Variants in PTPRF observed in about 807,000 individuals in gnomAD.
PTPRF encodes protein tyrosine phosphatase receptor type F, also known as receptor-type tyrosine-protein phosphatase F.
PTPRF carries 59 observed loss-of-function variants against 201.8 expected under a neutral mutation model. The observed-to-expected ratio is 0.29, with a 90% CI of 0.24 to 0.36. The LOEUF (loss-of-function observed/expected upper bound fraction) is 0.36. Among genes scored for constraint, PTPRF ranks in the 10% least tolerant of loss-of-function variants. The probability of loss-of-function intolerance (pLI) is 1.00; values close to 1 mark genes in which losing one functional copy is unlikely to be tolerated. For synonymous variants in PTPRF, 1,088 were observed against 1,089.7 expected (o/e 1.00, Z 0.03); for missense variants, 2,132 against 2,690.5 (o/e 0.79, Z 4.59).
At chr1:43,565,404 TCACA>T in intron 5 of PTPRF, among the ~76,000 whole-genome samples, 1 of 152,320 alleles carries the variant, frequency 6.6e-6, no homozygotes, top group East Asian at 1.9e-4. Flanking sequence ...CAGGAGGCAT[TCACA>T]CACACGTGCA....
intron 5 of PTPRF, among the ~76,000 whole-genome samples, 184 bp from the exon 6 acceptor site, chr1:43,569,392 ACTGCAGCCTCTGCC>A (rs1557734123): frequency 6.6e-6 from 1 of 151,986 alleles, no homozygotes; most frequent in East Asian, 1.9e-4. Flanking sequence ...GGTGGGCCCC[ACTGCAGCCTCTGCC>A]CTGCCAAAGA....
In PTPRF at chr1:43,598,028, G is replaced by C. The variant is rs903446501; in HGVS notation, c.2094G>C (p.Pro698=). Residue 698 remains proline (P), a synonymous_variant, in exon 12 of 34, where the codon CCG becomes CCC. Transcript: ENST00000359947. ...TGGGCCCCGGCCCCGAGAGCAGCCC[G>C]GTGCTGGTGCGCACCGATGAGGACG... ...TDVGPGPESS[P]VLVRTDEDVP... is the part of the protein sequence containing the mutation. The C allele has an allele frequency of 6.6e-7, 1 of 1,506,988 alleles. No individual in the cohort carries two copies. The allele number at this position is 1,506,988 out of a possible 1,614,324, so 93.4% of individuals were successfully genotyped here.
upstream of PTPRF, among the ~76,000 whole-genome samples, chr1:43,529,208 A>C (rs905147025): frequency 6.6e-6 from 1 of 152,166 alleles, no homozygotes; most frequent in Non-Finnish European, 1.5e-5. Context: ...GTGAAAAACC[A>C]CTCACTGGAA....
At position 43,582,732 on chromosome 1, in the gene PTPRF, C is replaced by T. The variant is rs116680072; in HGVS notation, c.679+3812C>T. The stretch of plus-strand genomic sequence containing the variant: ...TGGGCCTTGACCCCAGAGCCCGGTC[C>T]ACAGGGTCTGTCTGAGCTGTGGGGT... On this transcript the variant is annotated intron_variant, in intron 7 of 33. Coordinates refer to ENST00000359947, the MANE Select transcript of PTPRF (RefSeq NM_002840.5). 993 of 152,608 alleles carry T rather than the reference C, an allele frequency of 6.5e-3. 8 individuals carry two copies. The highest frequency in any genetic ancestry group is 0.02 in the South Asian group (95 of 4,840). 9.5% of individuals were successfully genotyped at this position (152,608 alleles called of 1,614,324 possible). A position where few individuals can be genotyped will look rare whatever the true frequency, so the allele number is the denominator to read the frequency against.
intron 3 of PTPRF, among the ~76,000 whole-genome samples, chr1:43,551,423 G>T (rs1645031712): frequency 6.6e-6 from 1 of 152,124 alleles, no homozygotes; most frequent in African/African-American, 2.4e-5. Context: ...CCTTCAAAGG[G>T]CATTCAGGGG....
In PTPRF at chr1:43,540,972, G is replaced by A. The variant is rs924228033; in HGVS notation, c.-46+2695G>A. On this transcript the variant is annotated intron_variant, in intron 2 of 33. Transcript: ENST00000359947. ...TCCGCGGCCGCTGCTGCAGTGCCAC[G>A]CGGTGAACTGTCCAGGACATGACAA... 8.5e-5 allele frequency among the ~76,000 whole-genome samples: 13 copies of A among 152,378 alleles called. No homozygotes were observed. The South Asian group carries it at 1.2e-3, about 15-fold the overall frequency.
Position 43,591,300 on chromosome 1 carries a change from C to T in PTPRF, c.1278C>T (p.Ser426=), listed in dbSNP as rs556161672. Residue 426 remains serine (S), a synonymous_variant, in exon 9 of 34, where the codon AGC becomes AGT. Transcript: ENST00000359947. ...PPRRVQARML[S]ASTMLVQWEP... ...GCCGCGTGCAGGCACGCATGCTGAG[C>T]GCCAGCACCATGCTGGTGCAGTGGG... 51 of 1,552,230 alleles carry T rather than the reference C, an allele frequency of 3.3e-5. No homozygotes were observed. Among genetic ancestry groups the T allele is most frequent in the Middle Eastern group, 1.9e-4 (1 of 5,208 alleles).
intron 5 of PTPRF, among the ~76,000 whole-genome samples, chr1:43,558,283 AAGG>A (rs2153977137): frequency 6.6e-6 from 1 of 152,078 alleles, no homozygotes; most frequent in South Asian, 2.1e-4. Context: ...TGCCCCCAAA[AAGG>A]AGTCCAGGCC....
At position 43,616,346 on chromosome 1, in the gene PTPRF, C is replaced by T. The variant is rs961084372; in HGVS notation, c.4072-1099C>T. 2.0e-5 allele frequency among the ~76,000 whole-genome samples: 3 copies of T among 151,460 alleles called. No individual in the cohort carries two copies. In the Admixed American group the frequency reaches 2.0e-4, roughly 10 times the overall value. On this transcript the variant is annotated intron_variant, in intron 23 of 33. Coordinates refer to ENST00000359947, the MANE Select transcript of PTPRF (RefSeq NM_002840.5). ...CTTCGCTATTATCATTATTGCTCTC[C>T]GAGGTGAAGAAGAGCCACAGAAGGC...
chr1:43,605,505 C>T (rs1654871319), intron 18 of PTPRF, 24 bp from the exon 19 acceptor site: 3 of 1,613,838 alleles, frequency 1.9e-6, no homozygotes, highest in Non-Finnish European at 2.5e-6. Context: ...AGTGACAGTC[C>T]TGATTCCTGC....
chr1:43,594,924 C>T (rs1312600254), intron 11 of PTPRF, among the ~76,000 whole-genome samples: 1 of 152,036 alleles, frequency 6.6e-6, no homozygotes, highest in African/African-American at 2.4e-5. Context: ...GGGAGGGGAG[C>T]GACTTGGAGG....
intron 6 of PTPRF, among the ~76,000 whole-genome samples, chr1:43,572,647 CCT>C (rs984452320): frequency 1.2e-4 from 18 of 152,202 alleles, no homozygotes; most frequent in African/African-American, 4.3e-4. Context: ...GACTCAGGCC[CCT>C]GAGCACTCAG....
At chr1:43,612,648 T>C in intron 22 of PTPRF, 1 of 801,014 alleles carries the variant, frequency 1.2e-6, no homozygotes, top group Non-Finnish European at 1.9e-6. Flanking sequence ...CGCCAGCCCC[T>C]CGCAAGCCCG....
At chr1:43,583,043 C>T (rs1239361446) in intron 7 of PTPRF, 3 of 983,142 alleles carry the variant, frequency 3.1e-6, no homozygotes, top group Non-Finnish European at 3.6e-6. Flanking sequence ...TCCTCATCTT[C>T]ATCGCACTCT....
chr1:43,603,863 TC>T lies in PTPRF; in HGVS notation c.2712del (p.Phe904LeufsTer21). The T allele has an allele frequency of 6.2e-7, 1 of 1,613,940 alleles. No homozygotes were observed. Among genetic ancestry groups the T allele is most frequent in the Non-Finnish European group, 8.5e-7 (1 of 1,180,000 alleles). On this transcript the variant is annotated frameshift_variant, in exon 16 of 34. Coordinates refer to ENST00000359947, the MANE Select transcript of PTPRF (RefSeq NM_002840.5). LOFTEE classifies it high-confidence loss of function. The surrounding 1 kb of genome is among the most constrained non-coding windows in gnomAD (Gnocchi z 5.8). ...AKNRAGLGEE[F>X]EKEIRTPEDL... ...AACCGGGCTGGCTTGGGTGAGGAGT[TC>T]GAGAAGGAGATCAGGACCCCCGAGG...
At chr1:43,590,254 C>T (rs1650317632) in intron 8 of PTPRF, among the ~76,000 whole-genome samples, 1 of 152,214 alleles carries the variant, frequency 6.6e-6, no homozygotes, top group South Asian at 2.1e-4. Context: ...CTTACTCCAC[C>T]TCAGCACCCT....
Position 43,619,593 on chromosome 1 carries a change from G to A in PTPRF, c.4932+20G>A. ...TTCAAGGTGGGGCTCGGGTGGGCCT[G>A]CTTGGCTCCAGGGCCTAGACTGGGT... On this transcript the variant is annotated intron_variant, in intron 28 of 33. Coordinates refer to ENST00000359947, the MANE Select transcript of PTPRF (RefSeq NM_002840.5). The A allele has an allele frequency of 1.9e-6, 3 of 1,610,772 alleles. No homozygotes were observed. The highest frequency in any genetic ancestry group is 1.1e-5 in the South Asian group (1 of 90,898).
intron 12 of PTPRF, 54 bp from the exon 13 acceptor site, chr1:43,598,666 T>G: frequency 3.2e-5 from 50 of 1,539,282 alleles, no homozygotes; most frequent in Non-Finnish European, 4.2e-5. Context: ...TGTGCCCACC[T>G]GAGCTAGGGT....
rs1644368625 is a variant in PTPRF, at chr1:43,541,625, C to T, written c.-46+3348C>T. Among the ~76,000 whole-genome samples, 4 of 152,170 alleles carry T rather than the reference C, an allele frequency of 2.6e-5. 1 individual carries two copies. The highest frequency in any genetic ancestry group is 2.6e-4 in the Admixed American group (4 of 15,280). On this transcript the variant is annotated intron_variant, in intron 2 of 33. Coordinates refer to ENST00000359947, the MANE Select transcript of PTPRF (RefSeq NM_002840.5). ...TAAAGGCATTATAAAAAAACAACTG[C>T]TATCTGCTGTCCCCATCATTTCATA...
Sources: allele counts gnomAD v4.1 joint callset (sites outside exome capture counted in the v4.1 genomes callset), GRCh38; gene constraint gnomAD v4.1.1; non-coding constraint Gnocchi (gnomAD v3.1); transcripts MANE v1.5; gene names NCBI Gene and HGNC (gene_info 2026-07-23, HGNC 2026-07-21).